Variants in LRRC53 observed in about 807,000 individuals in gnomAD.
LRRC53 encodes the protein leucine-rich repeat-containing protein 53.
In LRRC53, 25 loss-of-function variants were observed where a neutral mutation model predicts 13.6. The observed-to-expected ratio is 1.83, with a 90% CI of 1.34 to 2.56. The LOEUF (loss-of-function observed/expected upper bound fraction) is 2.56, where lower values mean the gene tolerates loss of function less well. Among genes scored for constraint, LRRC53 ranks in the 30% most tolerant of loss-of-function variants. The pLI is 0.00. For synonymous variants in LRRC53, 204 were observed against 109.8 expected (o/e 1.86, Z -5.37); for missense variants, 527 against 275.8 (o/e 1.91, Z -6.45).
chr1:74,529,525 CT>C, the LRRC53 span, among the ~76,000 whole-genome samples: 1 of 152,150 alleles, frequency 6.6e-6, no homozygotes, highest in African/African-American at 2.4e-5. Flanking sequence ...GAATTAGATT[CT>C]TTTGCTATAA....
chr1:74,524,994 A>G, the LRRC53 span, among the ~76,000 whole-genome samples: 3 of 152,216 alleles, frequency 2.0e-5, no homozygotes, highest in Admixed American at 6.5e-5. Flanking sequence ...TATGCATTCA[A>G]TTATATAGTA....
intron 1 of LRRC53, among the ~76,000 whole-genome samples, chr1:74,493,786 G>A (rs950883809): frequency 2.0e-4 from 30 of 152,134 alleles, no homozygotes; most frequent in Non-Finnish European, 4.4e-4. Flanking sequence ...AACTCAAGAG[G>A]ACAAGCCCAA....
intron 1 of LRRC53, among the ~76,000 whole-genome samples, chr1:74,497,115 A>C (rs1362297997): frequency 1.3e-5 from 2 of 152,224 alleles, no homozygotes; most frequent in Non-Finnish European, 2.9e-5. Flanking sequence ...AGTTTATAAA[A>C]GTTGAATATA....
chr1:74,512,233 A>G (rs150550408), intron 1 of LRRC53, among the ~76,000 whole-genome samples: 1 of 152,330 alleles, frequency 6.6e-6, no homozygotes, highest in Non-Finnish European at 1.5e-5. Flanking sequence ...TACAGACTCA[A>G]ACATGGAGCT....
At chr1:74,476,474 T>C (rs995436029) in intron 3 of LRRC53, among the ~76,000 whole-genome samples, 3 of 152,184 alleles carry the variant, frequency 2.0e-5, no homozygotes, top group African/African-American at 7.2e-5. Context: ...CCTCCTCTGC[T>C]ACAACTGAGC....
At chr1:74,473,857 A>C (rs531365973) in intron 4 of LRRC53, among the ~76,000 whole-genome samples, 1 of 152,294 alleles carries the variant, frequency 6.6e-6, no homozygotes, top group South Asian at 2.1e-4. Flanking sequence ...AAAGATAAAC[A>C]TTAAGAACTA....
rs1467132788 is a variant in LRRC53 at position 74,470,901 on chromosome 1, G to A, written c.2721C>T (p.His907=). 2.5e-6 allele frequency: 1 copy of A among 400,588 alleles called. No homozygotes were observed. Among genetic ancestry groups the A allele is most frequent in the Admixed American group, 4.4e-5 (1 of 22,716 alleles). The allele number at this position is 400,588 out of a possible 1,614,324, so 24.8% of individuals were successfully genotyped here. A position where few individuals can be genotyped will look rare whatever the true frequency, so the allele number is the denominator to read the frequency against. The change falls in exon 5 of 5, where the codon CAC becomes CAT. Residue 907 remains histidine (H), a synonymous_variant. Transcript: ENST00000294635. ...TDQGTTESTE[H]MGQNVSKTSE... ...TGGTCTTTGATACATTCTGTCCCAT[G>A]TGCTCAGTGGACTCCGTTGTCCCTT... is the stretch of plus-strand genomic sequence containing the variant.
intron 1 of LRRC53, among the ~76,000 whole-genome samples, chr1:74,488,767 C>T (rs183569581): frequency 6.6e-6 from 1 of 152,270 alleles, no homozygotes; most frequent in East Asian, 1.9e-4. Flanking sequence ...CTGAGATGAT[C>T]TTTTCAAAAG....
Position 74,471,869 on chromosome 1 carries a change from A to G in LRRC53, c.1753T>C (p.Tyr585His). ...CGATTTGGCTTCTTTTCTTTCATGT[A>G]ATCTTCAAATTGCTCACAGGGCACA... ...KYVPCEQFED[Y>H]MKEKKPNRRQ... Residue 585 changes from tyrosine (Y) to histidine (H), a missense_variant, in exon 5 of 5, where the codon TAC (tyrosine) becomes CAC (histidine). By Grantham distance (83) the Tyr-to-His change is moderately conservative. Transcript: ENST00000294635. The G allele has an allele frequency of 2.2e-6, 1 of 452,500 alleles. No homozygotes were observed. Among genetic ancestry groups the G allele is most frequent in the Non-Finnish European group, 3.9e-6 (1 of 256,306 alleles). 28.0% of individuals were successfully genotyped at this position (452,500 alleles called of 1,614,324 possible). A position where few individuals can be genotyped will look rare whatever the true frequency, so the allele number is the denominator to read the frequency against.
At position 74,491,437 on chromosome 1, in the gene LRRC53, T is replaced by C. The variant is rs562832903; in HGVS notation, c.-26-8062A>G. On this transcript the variant is annotated intron_variant, in intron 1 of 4. Transcript: ENST00000294635. The stretch of plus-strand genomic sequence containing the variant: ...GTTTCACCATGTTGACCAGATGGTG[T>C]CGATCTGTTGACCAGGATGGTGTCG... Among the ~76,000 whole-genome samples, 3 of 152,192 alleles carry C rather than the reference T, an allele frequency of 2.0e-5. No individual in the cohort carries two copies. The East Asian group carries it at 5.8e-4, about 29-fold the overall frequency.
the LRRC53 span, among the ~76,000 whole-genome samples, chr1:74,530,878 T>C: frequency 6.6e-6 from 1 of 152,120 alleles, no homozygotes; most frequent in Non-Finnish European, 1.5e-5. Flanking sequence ...CTTAAATTAG[T>C]AGGTAAATTG....
chr1:74,490,050 TAAAAAA>T (rs36063099), intron 1 of LRRC53, among the ~76,000 whole-genome samples: 1 of 42,910 alleles, frequency 2.3e-5, no homozygotes, highest in Non-Finnish European at 5.2e-5. Context: ...TTTTTTTTTC[TAAAAAA>T]AAAAAAAAAA....
At chr1:74,508,224 A>G (rs1463981168) in intron 1 of LRRC53, among the ~76,000 whole-genome samples, 2 of 152,250 alleles carry the variant, frequency 1.3e-5, no homozygotes, top group East Asian at 3.8e-4. Flanking sequence ...ACATGTATAC[A>G]TATGTAACAA....
At chr1:74,523,749 G>A in the LRRC53 span, among the ~76,000 whole-genome samples, 1 of 152,120 alleles carries the variant, frequency 6.6e-6, no homozygotes, top group Admixed American at 6.6e-5. Flanking sequence ...TTGGTCTTGG[G>A]GAAACAGTGC....
chr1:74,475,299 T>C lies in LRRC53; in HGVS notation c.1416A>G (p.Thr472=), dbSNP rs1668139211. The C allele has an allele frequency of 1.5e-6, 1 of 649,980 alleles. No homozygotes were observed. Among genetic ancestry groups the C allele is most frequent in the African/African-American group, 1.8e-5 (1 of 54,274 alleles). The allele number at this position is 649,980 out of a possible 1,614,324, so 40.3% of individuals were successfully genotyped here. The part of the protein sequence containing the change: ...PQTLQHHIIR[T]EDISSDIFRR... ...TCTAAAACAAGACAAACTCACCTTCTGTTCTTATTATATGGTGTTGCAGAG... is the reference window on the plus strand; with the variant it reads ...TCTAAAACAAGACAAACTCACCTTCCGTTCTTATTATATGGTGTTGCAGAG... Residue 472 remains threonine (T), a synonymous_variant, in exon 4 of 5, where the codon ACA becomes ACG. Transcript: ENST00000294635.
Position 74,471,669 on chromosome 1 carries a change from C to T in LRRC53, c.1953G>A (p.Ser651=), listed in dbSNP as rs984378141. Residue 651 remains serine, a synonymous_variant, in exon 5 of 5, where the codon TCG becomes TCA. Transcript: ENST00000294635. ...HDPDLVEINR[S]MMSPKISTPW... Reference sequence around the variant, plus strand: ...GGGTTGATATTTTGGGTGACATCATCGACCTATTTATTTCTACTAAATCAG... The same window carrying T: ...GGGTTGATATTTTGGGTGACATCATTGACCTATTTATTTCTACTAAATCAG... 3 of 400,742 alleles carry T rather than the reference C, an allele frequency of 7.5e-6. No individual in the cohort carries two copies. The highest frequency in any genetic ancestry group is 4.1e-5 in the African/African-American group (2 of 48,780). The allele number at this position is 400,742 out of a possible 1,614,324, so 24.8% of individuals were successfully genotyped here. A position where few individuals can be genotyped will look rare whatever the true frequency, so the allele number is the denominator to read the frequency against.
chr1:74,486,488 G>GTGTGTTT (rs1668771383), intron 1 of LRRC53, among the ~76,000 whole-genome samples: 2 of 130,024 alleles, frequency 1.5e-5, no homozygotes, highest in Admixed American at 7.8e-5. Context: ...CTTTTTTTGT[G>GTGTGTTT]TGTGTTTTTT....
chr1:74,469,887 T>G lies in LRRC53; in HGVS notation c.3735A>C (p.Glu1245Asp). The change falls in exon 5 of 5, where the codon GAA (glutamate) becomes GAC (aspartate). Residue 1245 changes from glutamate (E) to aspartate (D), a missense_variant. Glu to Asp is a conservative substitution (Grantham distance 45, BLOSUM62 2). Transcript: ENST00000294635. The stretch of plus-strand genomic sequence containing the variant: ...AGTTATTTTGTTCACTTTATTCTGT[T>G]TCTAAAGGTGATGTAGTAGCATATT... ...SAEYATTSPL[E>D]TE 2.5e-6 allele frequency: 1 copy of G among 400,590 alleles called. No individual in the cohort carries two copies. Among genetic ancestry groups the G allele is most frequent in the Non-Finnish European group, 4.4e-6 (1 of 226,050 alleles). 24.8% of individuals were successfully genotyped at this position (400,590 alleles called of 1,614,324 possible). A position where few individuals can be genotyped will look rare whatever the true frequency, so the allele number is the denominator to read the frequency against.
At position 74,480,146 on chromosome 1, in the gene LRRC53, G is replaced by A. The variant is rs771569123; in HGVS notation, c.904+7C>T. 2.2e-5 allele frequency: 16 copies of A among 712,882 alleles called. No homozygotes were observed. The highest frequency in any genetic ancestry group is 5.2e-4 in the Middle Eastern group (2 of 3,812). 44.2% of individuals were successfully genotyped at this position (712,882 alleles called of 1,614,324 possible). A position where few individuals can be genotyped will look rare whatever the true frequency, so the allele number is the denominator to read the frequency against. On this transcript the variant is annotated splice_region_variant and intron_variant, in intron 3 of 4. Transcript: ENST00000294635. Reference sequence around the variant, plus strand: ...AAAAGAGGAGGGCACACTTCTCCCCGGCATACCTGCGAAGCCAAGGACAGT... The same window carrying A: ...AAAAGAGGAGGGCACACTTCTCCCCAGCATACCTGCGAAGCCAAGGACAGT...
Sources: allele counts gnomAD v4.1 joint callset (sites outside exome capture counted in the v4.1 genomes callset), GRCh38; gene constraint gnomAD v4.1.1; transcripts MANE v1.5; gene names NCBI Gene and HGNC (gene_info 2026-07-23, HGNC 2026-07-21).